Variants in CDC14A observed in about 807,000 individuals in gnomAD.
CDC14A encodes the protein cell division cycle 14A.
Under a neutral mutation model 74.4 loss-of-function variants are expected in CDC14A, and 53 were observed. The observed-to-expected ratio is 0.71, with a 90% CI of 0.57 to 0.89. The LOEUF (loss-of-function observed/expected upper bound fraction) is 0.89. Ranked by LOEUF, CDC14A falls within the 40% of genes least tolerant of loss-of-function variation. The pLI is 0.00. For missense variants in CDC14A, 646 were observed against 713.7 expected (o/e 0.91, Z 1.08); for synonymous variants, 247 against 258.4 (o/e 0.96, Z 0.43).
intron 7 of CDC14A, among the ~76,000 whole-genome samples, chr1:100,454,818 T>C (rs1666518849): frequency 6.6e-6 from 1 of 152,132 alleles, no homozygotes; most frequent in African/African-American, 2.4e-5. Context: ...TCTATGTATG[T>C]CCCTTGCTTG....
At chr1:100,353,967 C>A (rs554329532) in intron 2 of CDC14A, 115 bp downstream of exon 2, 180 of 661,718 alleles carry the variant, frequency 2.7e-4, no homozygotes, top group Non-Finnish European at 4.5e-4. Context: ...ATACGAGTAA[C>A]AATATCAATT....
chr1:100,425,498 TAA>T (rs1306811243), intron 5 of CDC14A, among the ~76,000 whole-genome samples: 5 of 152,242 alleles, frequency 3.3e-5, no homozygotes, highest in Admixed American at 3.3e-4. Context: ...CTAAATCCCT[TAA>T]GAGTCAAGGG....
intron 6 of CDC14A, among the ~76,000 whole-genome samples, chr1:100,440,497 A>G (rs867411561): frequency 2.6e-5 from 4 of 152,308 alleles, no homozygotes; most frequent in South Asian, 2.1e-4. Context: ...ATTTCTGTAT[A>G]TAATGGAGAA....
At chr1:100,489,581 T>TG (rs1441657974) in intron 11 of CDC14A, among the ~76,000 whole-genome samples, 2 of 38,516 alleles carry the variant, frequency 5.2e-5, no homozygotes, top group African/African-American at 9.5e-5. Flanking sequence ...TCATCACTCA[T>TG]GTTTTTTTTT....
intron 11 of CDC14A, among the ~76,000 whole-genome samples, chr1:100,487,179 A>G (rs1472765908): frequency 6.6e-6 from 1 of 152,202 alleles, no homozygotes; most frequent in Admixed American, 6.5e-5. Context: ...GAGATTCTAA[A>G]TTATTATTTT....
At chr1:100,425,542 T>TA (rs1419529644) in intron 5 of CDC14A, among the ~76,000 whole-genome samples, 1 of 151,860 alleles carries the variant, frequency 6.6e-6, no homozygotes, top group East Asian at 1.9e-4. Flanking sequence ...TCACAGGAGG[T>TA]AGCTGTTAGG....
At chr1:100,391,326 A>G (rs1268870132) in intron 4 of CDC14A, among the ~76,000 whole-genome samples, 1 of 152,170 alleles carries the variant, frequency 6.6e-6, no homozygotes, top group African/African-American at 2.4e-5. Flanking sequence ...TGCATATATT[A>G]TAGCTTCCCT....
chr1:100,475,970 A>G (rs1325141420), intron 10 of CDC14A, among the ~76,000 whole-genome samples: 1 of 152,154 alleles, frequency 6.6e-6, no homozygotes, highest in Non-Finnish European at 1.5e-5. Flanking sequence ...GTGCCTACCT[A>G]TAGCCTGGCA....
Position 100,494,835 on chromosome 1 carries a change from T to C in CDC14A, c.1155T>C (p.Asp385=), listed in dbSNP as rs1372097854. Residue 385 remains aspartate (D), a synonymous_variant, in exon 12 of 16, where the codon GAT becomes GAC. Transcript: ENST00000336454. ...TTTTCCAGGATAACTTAGAAGATGA[T>C]GATGTGGAAATGAAAAATGGTATAA... ...ERFGEDNLED[D]DVEMKNGITQ... 2 of 1,610,066 alleles carry C rather than the reference T, an allele frequency of 1.2e-6. No homozygotes were observed. The highest frequency in any genetic ancestry group is 1.3e-5 in the African/African-American group (1 of 74,954).
upstream of CDC14A, among the ~76,000 whole-genome samples, chr1:100,347,993 A>G (rs574952167): frequency 3.3e-5 from 5 of 152,322 alleles, no homozygotes; most frequent in East Asian, 9.6e-4. Flanking sequence ...AGCAAGAAAG[A>G]ATATTTTCCG....
intron 4 of CDC14A, among the ~76,000 whole-genome samples, chr1:100,420,082 A>ATATATATATATGT (rs58124351): frequency 7.6e-5 from 8 of 105,548 alleles, no homozygotes; most frequent in African/African-American, 2.7e-4. Context: ...ATATATATAT[A>ATATATATATATGT]GTGTGTATGT....
Position 100,462,646 on chromosome 1 carries a change from T to G in CDC14A, c.608-5T>G. 1 of 1,611,834 alleles carries G rather than the reference T, an allele frequency of 6.2e-7. No individual in the cohort carries two copies. The highest frequency in any genetic ancestry group is 8.5e-7 in the Non-Finnish European group (1 of 1,177,992). On this transcript the variant is annotated splice_region_variant and splice_polypyrimidine_tract_variant and intron_variant, in intron 8 of 15. Transcript: ENST00000336454. Reference sequence around the variant, plus strand: ...CTTTTGCTTACTGCTCCTTTGTTCCTTTAGGTTATCCTCTTCACGCCCCTG... The same window carrying G: ...CTTTTGCTTACTGCTCCTTTGTTCCGTTAGGTTATCCTCTTCACGCCCCTG...
chr1:100,364,086 G>A (rs1053385748), intron 2 of CDC14A, among the ~76,000 whole-genome samples: 1 of 151,974 alleles, frequency 6.6e-6, no homozygotes, highest in Non-Finnish European at 1.5e-5. Flanking sequence ...CCATGAGCAT[G>A]CCACAGCACT....
intron 15 of CDC14A, among the ~76,000 whole-genome samples, chr1:100,510,550 C>T (rs928423501): frequency 6.6e-6 from 1 of 152,118 alleles, no homozygotes; most frequent in African/African-American, 2.4e-5. Flanking sequence ...CTGCCTGTTT[C>T]CCCAGCCATC....
At chr1:100,416,371 T>C (rs1661529883) in intron 4 of CDC14A, among the ~76,000 whole-genome samples, 2 of 152,184 alleles carry the variant, frequency 1.3e-5, no homozygotes, top group Admixed American at 1.3e-4. Flanking sequence ...CAGAAAGACA[T>C]GGCCCACCTC....
chr1:100,347,690 G>GAATA (rs1216778883), upstream of CDC14A, among the ~76,000 whole-genome samples: 1 of 152,104 alleles, frequency 6.6e-6, no homozygotes, highest in Non-Finnish European at 1.5e-5. Context: ...ATATGTATAT[G>GAATA]AATAAATAAT....
At chr1:100,437,693 T>C (rs1265422157) in intron 5 of CDC14A, among the ~76,000 whole-genome samples, 2 of 152,104 alleles carry the variant, frequency 1.3e-5, no homozygotes, top group African/African-American at 4.8e-5. Flanking sequence ...TGGTAACAAT[T>C]GTGGCTGTGA....
chr1:100,483,978 T>C (rs1218355436), intron 10 of CDC14A, among the ~76,000 whole-genome samples: 2 of 152,194 alleles, frequency 1.3e-5, no homozygotes, highest in Non-Finnish European at 2.9e-5. Context: ...TTCAAATTTA[T>C]ATTTAAAAGA....
chr1:100,351,635 C>A, upstream of CDC14A: 1 of 917,240 alleles, frequency 1.1e-6, no homozygotes, highest in Non-Finnish European at 1.7e-6. Flanking sequence ...CCTCCGCGCC[C>A]GCCCAGGCTG....
Sources: gnomAD v4.1 joint callset for allele counts (sites outside exome capture counted in the v4.1 genomes callset) on GRCh38, gnomAD v4.1.1 for gene constraint, MANE v1.5 for transcripts, NCBI Gene and HGNC (gene_info 2026-07-23, HGNC 2026-07-21) for gene names.